SLC15A5: variants seen among roughly 807,000 people sequenced by gnomAD.
SLC15A5 encodes Peptide/histidine transporter ENSP00000340402.
Under a neutral mutation model 56.1 loss-of-function variants are expected in SLC15A5, and 58 were observed. That is an observed-to-expected ratio of 1.03 (90% CI 0.84 to 1.29). The LOEUF (loss-of-function observed/expected upper bound fraction) is 1.29. Ranked by LOEUF, SLC15A5 falls within the 50% of genes most tolerant of loss-of-function variation. SLC15A5 has a pLI of 0.00. For synonymous variants in SLC15A5, 264 were observed against 250.5 expected (o/e 1.05, Z -0.51); for missense variants, 681 against 672.1 (o/e 1.01, Z -0.15).
intron 5 of SLC15A5, among the ~76,000 whole-genome samples, chr12:16,236,075 T>G (rs943599760): frequency 4.6e-5 from 7 of 152,210 alleles, no homozygotes; most frequent in Non-Finnish European, 8.8e-5. Context: ...TACTGTGTTG[T>G]ACACTTCTGC....
At chr12:16,245,883 TTAAA>T (rs1200933149) in intron 3 of SLC15A5, among the ~76,000 whole-genome samples, 1 of 152,220 alleles carries the variant, frequency 6.6e-6, no homozygotes, top group East Asian at 1.9e-4. Context: ...GTTTTTATGT[TTAAA>T]TAAAGAATAT....
intron 7 of SLC15A5, among the ~76,000 whole-genome samples, chr12:16,216,156 A>C (rs1309458989): frequency 6.6e-6 from 1 of 152,176 alleles, no homozygotes; most frequent in African/African-American, 2.4e-5. Context: ...CATTTCCATA[A>C]AATAAGCAAA....
chr12:16,208,422 T>C (rs975507221), intron 7 of SLC15A5, among the ~76,000 whole-genome samples: 1 of 152,136 alleles, frequency 6.6e-6, no homozygotes, highest in Non-Finnish European at 1.5e-5. Flanking sequence ...TATATTCCCA[T>C]CTACTGGGGA....
chr12:16,257,752 CAGCCATA>C lies in SLC15A5; in HGVS notation c.696_702del (p.Met233Ter), dbSNP rs1179454521. ...TAGTATATCATATGAAGAGTTATCA[CAGCCATA>C]AGCATAGACATAAAAGGAATAAGTA... On this transcript the variant is annotated frameshift_variant, in exon 3 of 9. Transcript: ENST00000344941. LOFTEE classifies it high-confidence loss of function. The C allele has an allele frequency of 1.4e-5, 21 of 1,526,960 alleles. No homozygotes were observed. Among genetic ancestry groups the C allele is most frequent in the Non-Finnish European group, 5.2e-6 (6 of 1,143,542 alleles). 94.6% of individuals were successfully genotyped at this position (1,526,960 alleles called of 1,614,324 possible).
intron 3 of SLC15A5, among the ~76,000 whole-genome samples, chr12:16,245,649 C>T (rs1211478503): frequency 6.6e-6 from 1 of 152,106 alleles, no homozygotes; most frequent in African/African-American, 2.4e-5. Context: ...CATAGCACTC[C>T]CTTTGACCAG....
In SLC15A5 at chr12:16,214,472, T is replaced by G. The variant is rs142331737; in HGVS notation, c.1483+2421A>C. On this transcript the variant is annotated intron_variant, in intron 7 of 8. Coordinates refer to ENST00000344941, the MANE Select transcript of SLC15A5 (RefSeq NM_001170798.1). ...TGGGCAGCCAGGAAGACCAACCACA[T>G]GATCAGACTTGGAGCTTTGAGCCAC... Among the ~76,000 whole-genome samples, 88 of 152,294 alleles carry G rather than the reference T, an allele frequency of 5.8e-4. No individual in the cohort carries two copies. The East Asian group carries it at 0.012, about 21-fold the overall frequency.
At chr12:16,273,701 C>T (rs958934336) in intron 1 of SLC15A5, among the ~76,000 whole-genome samples, 1 of 149,976 alleles carries the variant, frequency 6.7e-6, no homozygotes, top group Non-Finnish European at 1.5e-5. Flanking sequence ...TAATCTCCCT[C>T]TTCTTGGACC....
chr12:16,200,914 A>T (rs1177672298), intron 7 of SLC15A5, among the ~76,000 whole-genome samples: 1 of 152,178 alleles, frequency 6.6e-6, no homozygotes, highest in African/African-American at 2.4e-5. Flanking sequence ...AATATATTAA[A>T]CATTTTTAGA....
At chr12:16,266,141 T>C (rs920591064) in intron 2 of SLC15A5, among the ~76,000 whole-genome samples, 1 of 152,220 alleles carries the variant, frequency 6.6e-6, no homozygotes, top group Non-Finnish European at 1.5e-5. Context: ...CAAAAAGTTA[T>C]AATTTTCTAG....
At chr12:16,250,635 A>G (rs1864510441) in intron 3 of SLC15A5, among the ~76,000 whole-genome samples, 1 of 151,810 alleles carries the variant, frequency 6.6e-6, no homozygotes. Flanking sequence ...TTTGAAAAAC[A>G]TAGACTTTTT....
At chr12:16,236,759 A>C (rs1864356000) in intron 5 of SLC15A5, among the ~76,000 whole-genome samples, 1 of 152,182 alleles carries the variant, frequency 6.6e-6, no homozygotes, top group Non-Finnish European at 1.5e-5. Context: ...GGCATGTGAC[A>C]GTATAAGGAG....
In SLC15A5 at chr12:16,269,871, G is replaced by A. The variant is rs1454425102; in HGVS notation, c.584+2690C>T. 6.6e-6 allele frequency among the ~76,000 whole-genome samples: 1 copy of A among 152,132 alleles called. No homozygotes were observed. The highest frequency in any genetic ancestry group is 2.4e-5 in the African/African-American group (1 of 41,440). On this transcript the variant is annotated intron_variant, in intron 2 of 8. Transcript: ENST00000344941. This position sits in a 1 kb window ranked among gnomAD's most constrained non-coding sequence, Gnocchi z 4.7. ...AATTGTGGTAGAATTTAAAATTGTG[G>A]CCAGGAACAGACTTCATTATCCTCC...
Position 16,259,360 on chromosome 12 carries a change from CTCCT to C in SLC15A5, c.585-1494_585-1491del, listed in dbSNP as rs1024443406. Among the ~76,000 whole-genome samples the C allele has an allele frequency of 4.0e-5, 6 of 150,872 alleles. No individual in the cohort carries two copies. In the East Asian group the frequency reaches 5.9e-4, roughly 15 times the overall value. ...CTCCCTCACTCCCTCCCTCTCTTCC[CTCCT>C]TCCTTCCTTCCTTGTTCCTTCCTTC... On this transcript the variant is annotated intron_variant, in intron 2 of 8. Coordinates refer to ENST00000344941, the MANE Select transcript of SLC15A5 (RefSeq NM_001170798.1).
chr12:16,220,047 T>G (rs7300254), intron 6 of SLC15A5, among the ~76,000 whole-genome samples: 84,410 of 151,908 alleles, frequency 0.56, 23,720 homozygotes, highest in South Asian at 0.73. Context: ...GCTGGAAATA[T>G]TTTTTACTCT....
In SLC15A5 at chr12:16,224,535, A is replaced by G; in HGVS notation, c.1230T>C (p.His410=). 6.5e-7 allele frequency: 1 copy of G among 1,537,150 alleles called. No individual in the cohort carries two copies. The highest frequency in any genetic ancestry group is 1.7e-4 in the Middle Eastern group (1 of 5,990). The change falls in exon 6 of 9, where the codon CAT becomes CAC. Residue 410 remains histidine (H), a synonymous_variant. Transcript: ENST00000344941. ...AAAGGGGCTGCTCCACTGCAGGGAA[A>G]TGTTTTCGGTGTATTTCAAAGAAGC... The part of the protein sequence containing the change: ...IAGFFEIHRK[H]FPAVEQPLSG...
intron 7 of SLC15A5, 103 bp downstream of exon 7, chr12:16,216,790 T>TAA: frequency 1.0e-6 from 1 of 998,224 alleles, no homozygotes; most frequent in Non-Finnish European, 1.4e-6. Context: ...GTGGATCAAT[T>TAA]AAAAAAAGAC....
chr12:16,256,597 C>T (rs1211070524), intron 3 of SLC15A5, among the ~76,000 whole-genome samples: 1 of 152,168 alleles, frequency 6.6e-6, no homozygotes, highest in Non-Finnish European at 1.5e-5. Context: ...TGGTGGCTCA[C>T]GCCTGTAATC....
rs34486958 is a variant in SLC15A5, at chr12:16,204,435, C to CAA, written c.1484-9984_1484-9983dup. The stretch of plus-strand genomic sequence containing the variant: ...TAGGCAACAGAGCGAGACACTGTCT[C>CAA]AAAAAAAAAAAAATTGGAGAAAAAA... On this transcript the variant is annotated intron_variant, in intron 7 of 8. Coordinates refer to ENST00000344941, the MANE Select transcript of SLC15A5 (RefSeq NM_001170798.1). 6.5e-4 allele frequency among the ~76,000 whole-genome samples: 89 copies of CAA among 136,388 alleles called. 1 individual carries two copies. Among genetic ancestry groups the CAA allele is most frequent in the Non-Finnish European group, 7.4e-4 (47 of 63,456 alleles). The allele number at this position is 136,388 out of a possible 152,430, so 89.5% of individuals were successfully genotyped here.
chr12:16,226,308 C>A (rs996846427), intron 5 of SLC15A5, among the ~76,000 whole-genome samples: 1 of 151,928 alleles, frequency 6.6e-6, no homozygotes, highest in African/African-American at 2.4e-5. Context: ...CAGATGCAAC[C>A]AACTACTTTT....
Sources: allele counts gnomAD v4.1 joint callset (sites outside exome capture counted in the v4.1 genomes callset), GRCh38; gene constraint gnomAD v4.1.1; non-coding constraint Gnocchi (gnomAD v3.1); transcripts MANE v1.5; gene names NCBI Gene and HGNC (gene_info 2026-07-23, HGNC 2026-07-21).